NXN: variants seen among roughly 807,000 people sequenced by gnomAD.
The protein encoded by NXN is nucleoredoxin 1.
Under a neutral mutation model 48.6 loss-of-function variants are expected in NXN, and 16 were observed. The observed-to-expected ratio is 0.33, with a 90% CI of 0.22 to 0.50. The LOEUF (loss-of-function observed/expected upper bound fraction) is 0.50, where lower values mean the gene tolerates loss of function less well. Among genes scored for constraint, NXN ranks in the 20% least tolerant of loss-of-function variants. The pLI is 0.98. For synonymous variants in NXN, 281 were observed against 269.6 expected (o/e 1.04, Z -0.41); for missense variants, 492 against 605.5 (o/e 0.81, Z 1.97).
chr17:805,288 TGCTG>T, intron 5 of NXN, 41 bp from the exon 6 acceptor site: 1 of 1,570,876 alleles, frequency 6.4e-7, no homozygotes, highest in East Asian at 2.3e-5. Flanking sequence ...GCCCGGGAGA[TGCTG>T]GCCCTGCCTG....
At chr17:974,792 A>G in intron 1 of NXN, among the ~76,000 whole-genome samples, 1 of 151,830 alleles carries the variant, frequency 6.6e-6, no homozygotes, top group South Asian at 2.1e-4. Flanking sequence ...CTCTCAAGGA[A>G]CATTGCTCTT....
chr17:889,383 A>AG (rs1428823708), intron 1 of NXN, among the ~76,000 whole-genome samples: 2 of 152,242 alleles, frequency 1.3e-5, no homozygotes, highest in Non-Finnish European at 1.5e-5. Context: ...GACCACAGGA[A>AG]GGTAGAAATG....
chr17:835,125 G>C (rs777733711), intron 1 of NXN, among the ~76,000 whole-genome samples: 5 of 151,300 alleles, frequency 3.3e-5, no homozygotes, highest in Non-Finnish European at 4.4e-5. Flanking sequence ...TGGCTAACAT[G>C]GTGAAACCCT....
At chr17:840,343 CTTT>C (rs112852369) in intron 1 of NXN, among the ~76,000 whole-genome samples, 1 of 147,388 alleles carries the variant, frequency 6.8e-6, no homozygotes, top group South Asian at 2.2e-4. Flanking sequence ...GCAGAGACTT[CTTT>C]TTTTTTTTCT....
intron 1 of NXN, among the ~76,000 whole-genome samples, chr17:937,063 GC>G (rs1435753404): frequency 2.0e-5 from 3 of 151,890 alleles, no homozygotes; most frequent in Non-Finnish European, 2.9e-5. Context: ...CTTTACTGCA[GC>G]CTTTGCCTCC....
At chr17:927,161 A>C (rs1053843745) in intron 1 of NXN, among the ~76,000 whole-genome samples, 23 of 151,790 alleles carry the variant, frequency 1.5e-4, no homozygotes, top group Non-Finnish European at 3.2e-4. Flanking sequence ...AAAACAGAAA[A>C]AATTAGCCAG....
intron 5 of NXN, among the ~76,000 whole-genome samples, chr17:817,443 G>A (rs982486684): frequency 2.6e-5 from 4 of 152,106 alleles, no homozygotes; most frequent in Non-Finnish European, 4.4e-5. Context: ...GCCGAGGTGG[G>A]CGGATCACAA....
At chr17:838,847 C>T (rs929071900) in intron 1 of NXN, among the ~76,000 whole-genome samples, 1 of 152,182 alleles carries the variant, frequency 6.6e-6, no homozygotes, top group Non-Finnish European at 1.5e-5. Flanking sequence ...TCCAAGAACC[C>T]ACCGTTCCGG....
intron 1 of NXN, among the ~76,000 whole-genome samples, chr17:897,772 T>C (rs1190428888): frequency 3.3e-5 from 5 of 152,060 alleles, no homozygotes; most frequent in African/African-American, 1.2e-4. Context: ...GCCTCCAAGG[T>C]TCAAGCAGTT....
At chr17:970,843 C>T (rs192987633) in intron 1 of NXN, among the ~76,000 whole-genome samples, 12 of 151,876 alleles carry the variant, frequency 7.9e-5, no homozygotes, top group African/African-American at 2.2e-4. Flanking sequence ...TGCTGGAAGA[C>T]GTAATATGTA....
At position 819,397 on chromosome 17, in the gene NXN, G is replaced by C. The variant is rs57971943; in HGVS notation, c.820+42C>G. The C allele has an allele frequency of 6.4e-3, 9,329 of 1,446,772 alleles. 307 individuals carry two copies. In the African/African-American group the frequency reaches 0.088, roughly 14 times the overall value. 89.6% of individuals were successfully genotyped at this position (1,446,772 alleles called of 1,614,324 possible). A position where few individuals can be genotyped will look rare whatever the true frequency, so the allele number is the denominator to read the frequency against. ...AAGACACGGTGAGCTCAGGTGAGCAGGTTTCCAGGAGCCACACGGAGCCGG... is the reference window on the plus strand; with the variant it reads ...AAGACACGGTGAGCTCAGGTGAGCACGTTTCCAGGAGCCACACGGAGCCGG... On this transcript the variant is annotated intron_variant, in intron 5 of 7. Transcript: ENST00000336868.
chr17:813,947 A>G lies in NXN; in HGVS notation c.820+5492T>C, dbSNP rs1485682751. 4.0e-5 allele frequency among the ~76,000 whole-genome samples: 6 copies of G among 148,238 alleles called. No individual in the cohort carries two copies. In the East Asian group the frequency reaches 1.0e-3, roughly 25 times the overall value. On this transcript the variant is annotated intron_variant, in intron 5 of 7. Transcript: ENST00000336868. ...TGCCAATGTACTCCAGCCTCTGGGT[A>G]ACAGAGCAAGACTCTGTCTAAAAAA...
At chr17:957,087 A>G (rs2069178900) in intron 1 of NXN, among the ~76,000 whole-genome samples, 1 of 152,168 alleles carries the variant, frequency 6.6e-6, no homozygotes, top group Non-Finnish European at 1.5e-5. Context: ...GAGGCCAGTG[A>G]GATGCTCAGA....
chr17:886,122 C>G (rs1463915978), intron 1 of NXN, among the ~76,000 whole-genome samples: 1 of 152,092 alleles, frequency 6.6e-6, no homozygotes, highest in Non-Finnish European at 1.5e-5. Context: ...ATTGAAGGCT[C>G]TGTGTCAGGA....
At chr17:850,160 C>T (rs1391521569) in intron 1 of NXN, among the ~76,000 whole-genome samples, 1 of 152,130 alleles carries the variant, frequency 6.6e-6, no homozygotes, top group East Asian at 1.9e-4. Context: ...CTGCTTAGAA[C>T]GCCAGAAAAA....
At chr17:807,016 G>A (rs1437223092) in intron 5 of NXN, among the ~76,000 whole-genome samples, 1 of 152,170 alleles carries the variant, frequency 6.6e-6, no homozygotes, top group Admixed American at 6.5e-5. Flanking sequence ...CGTGGACAGT[G>A]CCCGAGGAGC....
chr17:907,348 T>G (rs1321658117), intron 1 of NXN, among the ~76,000 whole-genome samples: 1 of 151,948 alleles, frequency 6.6e-6, no homozygotes, highest in East Asian at 1.9e-4. Context: ...ACCTATTTTT[T>G]TTTTTTTTTT....
intron 1 of NXN, among the ~76,000 whole-genome samples, chr17:957,557 G>A (rs1417411794): frequency 1.3e-5 from 2 of 151,858 alleles, no homozygotes; most frequent in African/African-American, 4.8e-5. Context: ...GCTTGAACAC[G>A]GGAGGTGTAG....
At chr17:822,295 G>GA (rs973942697) in intron 4 of NXN, 62 bp downstream of exon 4, 102 of 1,239,966 alleles carry the variant, frequency 8.2e-5, no homozygotes, top group Middle Eastern at 1.9e-4. Context: ...AAAAAGAAAA[G>GA]AAAAAAAATG....
Sources: gnomAD v4.1 joint callset for allele counts (sites outside exome capture counted in the v4.1 genomes callset) on GRCh38, gnomAD v4.1.1 for gene constraint, MANE v1.5 for transcripts, NCBI Gene and HGNC (gene_info 2026-07-23, HGNC 2026-07-21) for gene names.